Variants in SLFN12L observed in about 807,000 individuals in gnomAD.
The protein encoded by SLFN12L is schlafen family member 12-like.
SLFN12L carries 34 observed loss-of-function variants against 34.8 expected under a neutral mutation model. The observed-to-expected ratio is 0.98, with a 90% confidence interval of 0.74 to 1.30. SLFN12L has a LOEUF of 1.30. Among genes scored for constraint, SLFN12L ranks in the 50% most tolerant of loss-of-function variants. The probability of loss-of-function intolerance (pLI) is 0.00; values close to 1 mark genes in which losing one functional copy is unlikely to be tolerated. For synonymous variants in SLFN12L, 259 were observed against 247.5 expected, an observed-to-expected ratio of 1.05 and a Z score of -0.44; for missense variants, 703 against 696.2, an observed-to-expected ratio of 1.01 and a Z score of -0.11.
At chr17:35,502,997 A>T (rs549008293) in intron 2 of SLFN12L, among the ~76,000 whole-genome samples, 1 of 151,968 alleles carries the variant, frequency 6.6e-6, no homozygotes, top group Non-Finnish European at 1.5e-5. Flanking sequence ...AAAAAGTTAT[A>T]AAAAAAAGTG....
chr17:35,488,599 G>A (rs112318988), intron 2 of SLFN12L, among the ~76,000 whole-genome samples: 300 of 152,220 alleles, frequency 2.0e-3, no homozygotes, highest in African/African-American at 7.1e-3. Flanking sequence ...CATACTTTTT[G>A]AAATGCACAC....
intron 2 of SLFN12L, among the ~76,000 whole-genome samples, chr17:35,480,719 A>C (rs1462200411): frequency 1.3e-5 from 2 of 152,102 alleles, no homozygotes; most frequent in Non-Finnish European, 2.9e-5. Context: ...TCTTATAAGA[A>C]TGAATTAGAT....
At chr17:35,510,372 T>C (rs905200019) in intron 2 of SLFN12L, 2 of 152,176 alleles carry the variant, frequency 1.3e-5, no homozygotes, top group African/African-American at 4.8e-5. Context: ...TCGAGATGAA[T>C]GAATAAATAA....
At chr17:35,513,038 G>C (rs755047468) in intron 2 of SLFN12L, among the ~76,000 whole-genome samples, 1 of 152,086 alleles carries the variant, frequency 6.6e-6, no homozygotes, top group Non-Finnish European at 1.5e-5. Context: ...TAGTGCAAAA[G>C]GTTTCTTCAC....
intron 2 of SLFN12L, chr17:35,498,518 C>G (rs946390148): frequency 8.2e-7 from 1 of 1,224,480 alleles, no homozygotes; most frequent in Non-Finnish European, 1.2e-6. Flanking sequence ...CTCTCTTTGT[C>G]TGCCTCCATC....
In SLFN12L at chr17:35,468,818, C is replaced by G. The variant is rs1913755396; in HGVS notation, c.*6105G>C. The stretch of plus-strand genomic sequence containing the variant: ...GACTGCTTAATCCCAGGAGTTCAAA[C>G]CAGCCTGGGCAACATGGGGAGACCC... On this transcript the variant is annotated 3_prime_UTR_variant, in exon 5 of 5. Coordinates refer to ENST00000628453, the MANE Select transcript of SLFN12L (RefSeq NM_001363830.2). Among the ~76,000 whole-genome samples the G allele has an allele frequency of 6.6e-6, 1 of 152,122 alleles. No individual in the cohort carries two copies. The highest frequency in any genetic ancestry group is 6.6e-5 in the Admixed American group (1 of 15,266).
intron 2 of SLFN12L, among the ~76,000 whole-genome samples, chr17:35,489,613 A>G (rs1403455051): frequency 6.6e-6 from 1 of 152,150 alleles, no homozygotes; most frequent in African/African-American, 2.4e-5. Flanking sequence ...CCAAAATTAT[A>G]TTAAGACCAA....
intron 2 of SLFN12L, chr17:35,498,109 T>G: frequency 1.7e-6 from 1 of 586,776 alleles, no homozygotes; most frequent in East Asian, 2.8e-5. Context: ...AGGACACAGC[T>G]GAGCCGGCGG....
At chr17:35,497,117 G>T (rs142824392) in intron 2 of SLFN12L, among the ~76,000 whole-genome samples, 1 of 152,092 alleles carries the variant, frequency 6.6e-6, no homozygotes, top group Non-Finnish European at 1.5e-5. Context: ...TAGACCGAGC[G>T]CAGTGGCTCA....
intron 2 of SLFN12L, among the ~76,000 whole-genome samples, chr17:35,512,051 C>G (rs1208796976): frequency 2.6e-5 from 4 of 152,142 alleles, no homozygotes; most frequent in African/African-American, 9.7e-5. Context: ...AGCATTTGGC[C>G]AGCATCACCA....
intron 2 of SLFN12L, among the ~76,000 whole-genome samples, chr17:35,505,459 C>T (rs879895484): frequency 8.5e-5 from 13 of 152,208 alleles, no homozygotes; most frequent in Non-Finnish European, 1.9e-4. Context: ...AAAACCTAAA[C>T]TTAAAGGCCC....
intron 4 of SLFN12L, among the ~76,000 whole-genome samples, chr17:35,477,797 T>C (rs539660146): frequency 6.6e-6 from 1 of 152,218 alleles, no homozygotes; most frequent in African/African-American, 2.4e-5. Flanking sequence ...ATTTCCAATA[T>C]ATTGCTGGTG....
rs1267981109 is a variant in SLFN12L, at chr17:35,530,355, GAGAA to G, written c.-606+7214_-606+7217del. Among the ~76,000 whole-genome samples the G allele has an allele frequency of 6.0e-3, 696 of 116,812 alleles. 58 individuals are homozygous for G. In the East Asian group the frequency reaches 0.11, roughly 19 times the overall value. The allele number at this position is 116,812 out of a possible 152,430, so 76.6% of individuals were successfully genotyped here. ...AGTGAGACTCTGTCAGAAAAAAAAAGAGAAAGAAAGGAAGGAAGGAAGGAAGGAA... is the reference window on the plus strand; with the variant it reads ...AGTGAGACTCTGTCAGAAAAAAAAAGAGAAAGGAAGGAAGGAAGGAAGGAA... On this transcript the variant is annotated intron_variant, in intron 1 of 4. Coordinates refer to ENST00000628453, the MANE Select transcript of SLFN12L (RefSeq NM_001363830.2).
intron 2 of SLFN12L, among the ~76,000 whole-genome samples, chr17:35,482,417 G>T (rs558154722): frequency 6.6e-6 from 1 of 152,208 alleles, no homozygotes; most frequent in Non-Finnish European, 1.5e-5. Flanking sequence ...TCTGGAGCCC[G>T]TGGGAGCCCT....
intron 2 of SLFN12L, chr17:35,499,570 G>T (rs1410739233): frequency 6.3e-6 from 1 of 158,488 alleles, no homozygotes; most frequent in Non-Finnish European, 1.4e-5. Context: ...GGCCTGCATT[G>T]TAAACTGTAA....
chr17:35,515,766 C>A (rs1323911389), intron 2 of SLFN12L, among the ~76,000 whole-genome samples: 1 of 150,882 alleles, frequency 6.6e-6, no homozygotes, highest in African/African-American at 2.4e-5. Context: ...GACCCAGCCG[C>A]ATGAGTAACT....
chr17:35,502,023 G>C (rs73281457), intron 2 of SLFN12L, among the ~76,000 whole-genome samples: 2,176 of 152,070 alleles, frequency 0.014, 67 homozygotes, highest in African/African-American at 0.05. Context: ...AGCAGAGAGA[G>C]AGGAAGAGAC....
Position 35,474,827 on chromosome 17 carries a change from G to A in SLFN12L, c.*96C>T. 7.9e-7 allele frequency: 1 copy of A among 1,261,730 alleles called. No individual in the cohort carries two copies. Among genetic ancestry groups the A allele is most frequent in the Non-Finnish European group, 1.1e-6 (1 of 942,176 alleles). 78.2% of individuals were successfully genotyped at this position (1,261,730 alleles called of 1,614,324 possible). On this transcript the variant is annotated 3_prime_UTR_variant, in exon 5 of 5. Transcript: ENST00000628453. ...GGCACATGTAATCCCAGCTACTCGG[G>A]AGGCTGAGGCAGGGAATTGCTTGAA...
intron 1 of SLFN12L, among the ~76,000 whole-genome samples, chr17:35,530,707 A>T (rs933597642): frequency 1.3e-5 from 2 of 152,016 alleles, no homozygotes; most frequent in Admixed American, 6.6e-5. Context: ...AAGAACTTGT[A>T]TTTGGGAGTG....
Sources: gnomAD v4.1 joint callset for allele counts (sites outside exome capture counted in the v4.1 genomes callset) on GRCh38, gnomAD v4.1.1 for gene constraint, MANE v1.5 for transcripts, NCBI Gene and HGNC (gene_info 2026-07-23, HGNC 2026-07-21) for gene names.